Variants in CPNE4 observed in about 807,000 individuals in gnomAD.
CPNE4 encodes copine-4.
In CPNE4, 25 loss-of-function variants were observed where a neutral mutation model predicts 67.9. The observed-to-expected ratio is 0.37, with a 90% confidence interval of 0.27 to 0.51. The LOEUF is 0.51. Ranked by LOEUF, CPNE4 falls within the 20% of genes least tolerant of loss-of-function variation. The pLI is 0.93. For missense variants in CPNE4, 464 were observed against 690.8 expected (o/e 0.67, Z 3.68); for synonymous variants, 242 against 244.9 (o/e 0.99, Z 0.11).
intron 7 of CPNE4, among the ~76,000 whole-genome samples, chr3:131,659,948 G>C (rs1502674): frequency 3.4e-5 from 5 of 146,518 alleles, no homozygotes; most frequent in Non-Finnish European, 7.4e-5. Flanking sequence ...CAGGAAGAAG[G>C]CTTTTTCTAA....
At chr3:131,978,127 T>TATAA (rs1369844452) in intron 1 of CPNE4, among the ~76,000 whole-genome samples, 1 of 82,302 alleles carries the variant, frequency 1.2e-5, no homozygotes, top group African/African-American at 5.5e-5. Context: ...TATAAATATA[T>TATAA]ATATTTATAT....
intron 7 of CPNE4, among the ~76,000 whole-genome samples, chr3:131,650,625 G>A (rs1055321383): frequency 1.3e-5 from 2 of 149,384 alleles, no homozygotes; most frequent in Non-Finnish European, 2.9e-5. Context: ...GGCGCCTGTA[G>A]TCCCGGCTAC....
intron 2 of CPNE4, among the ~76,000 whole-genome samples, chr3:131,879,790 T>C (rs1485529495): frequency 6.6e-6 from 1 of 152,202 alleles, no homozygotes; most frequent in African/African-American, 2.4e-5. Context: ...CTTTGGAGAT[T>C]GGGAATTGGA....
chr3:131,862,108 G>A (rs992586934), intron 2 of CPNE4, among the ~76,000 whole-genome samples: 1 of 151,996 alleles, frequency 6.6e-6, no homozygotes, highest in African/African-American at 2.4e-5. Context: ...CAACATCAAC[G>A]AGATGTAGAG....
At chr3:131,792,030 C>T (rs550327389) in intron 2 of CPNE4, among the ~76,000 whole-genome samples, 4 of 151,966 alleles carry the variant, frequency 2.6e-5, no homozygotes, top group Non-Finnish European at 5.9e-5. Flanking sequence ...AAACTAGGAC[C>T]AGAAAATGCC....
intron 2 of CPNE4, among the ~76,000 whole-genome samples, chr3:131,861,389 G>C (rs4854841): frequency 0.24 from 35,181 of 149,072 alleles, 4,729 homozygotes; most frequent in Middle Eastern, 0.34. Context: ...TCTGAGTTTA[G>C]AATATCTCAT....
At chr3:131,805,394 G>C (rs58223709) in intron 2 of CPNE4, among the ~76,000 whole-genome samples, 1 of 152,132 alleles carries the variant, frequency 6.6e-6, no homozygotes, top group Non-Finnish European at 1.5e-5. Context: ...TTGACACTTC[G>C]AATTCAGGGT....
At chr3:132,014,357 TCTCC>T (rs2073844318) in intron 1 of CPNE4, among the ~76,000 whole-genome samples, 1 of 151,616 alleles carries the variant, frequency 6.6e-6, no homozygotes. Context: ...CATCTCTCTC[TCTCC>T]AAGATCCTGT....
chr3:131,677,635 C>A (rs1415982277), intron 6 of CPNE4, among the ~76,000 whole-genome samples: 1 of 152,148 alleles, frequency 6.6e-6, no homozygotes, highest in African/African-American at 2.4e-5. Context: ...GGTCCAGTTT[C>A]AATCTTCTGC....
At chr3:131,965,103 A>T (rs913320442) in intron 1 of CPNE4, among the ~76,000 whole-genome samples, 6 of 152,232 alleles carry the variant, frequency 3.9e-5, no homozygotes, top group African/African-American at 1.4e-4. Context: ...TTCAACCCAG[A>T]ATTTCATATC....
chr3:131,974,875 G>T (rs1017121679), intron 1 of CPNE4, among the ~76,000 whole-genome samples: 1 of 152,260 alleles, frequency 6.6e-6, no homozygotes, highest in East Asian at 1.9e-4. Flanking sequence ...CGGCGTGGTG[G>T]TGCACACCTG....
intron 2 of CPNE4, among the ~76,000 whole-genome samples, chr3:131,739,101 G>C (rs2082303875): frequency 6.6e-6 from 1 of 152,100 alleles, no homozygotes; most frequent in Non-Finnish European, 1.5e-5. Context: ...ATACTTCGAA[G>C]TCATGGAAAC....
chr3:131,684,443 G>T (rs2080835635), intron 6 of CPNE4, among the ~76,000 whole-genome samples: 1 of 152,122 alleles, frequency 6.6e-6, no homozygotes, highest in African/African-American at 2.4e-5. Flanking sequence ...ATATTTAACA[G>T]CATTTATTTA....
At chr3:132,025,905 G>A (rs1378574043) in intron 1 of CPNE4, among the ~76,000 whole-genome samples, 1 of 152,160 alleles carries the variant, frequency 6.6e-6, no homozygotes. Flanking sequence ...GAGCACATTT[G>A]AGGTGAGGAC....
intron 2 of CPNE4, among the ~76,000 whole-genome samples, chr3:131,878,312 T>C (rs1272180418): frequency 6.6e-6 from 1 of 152,146 alleles, no homozygotes; most frequent in Non-Finnish European, 1.5e-5. Flanking sequence ...AATGACTACA[T>C]GCAATGCCAT....
chr3:131,615,660 G>C (rs1331691340), intron 7 of CPNE4, among the ~76,000 whole-genome samples: 1 of 152,044 alleles, frequency 6.6e-6, no homozygotes, highest in African/African-American at 2.4e-5. Context: ...TTTTTTATAG[G>C]AAGAGAAGTT....
chr3:131,717,921 T>TCTTTCTTTCTTTCTTTC (rs1560173550), intron 3 of CPNE4, among the ~76,000 whole-genome samples: 23 of 146,606 alleles, frequency 1.6e-4, no homozygotes, highest in African/African-American at 5.5e-4. Context: ...TTTCTTTCTT[T>TCTTTCTTTCTTTCTTTC]CTTTCTTTCT....
intron 1 of CPNE4, among the ~76,000 whole-genome samples, chr3:131,990,421 T>C (rs2073150739): frequency 7.4e-6 from 1 of 136,016 alleles, no homozygotes; most frequent in Non-Finnish European, 1.7e-5. Flanking sequence ...TTTATGTGTG[T>C]GTTATGTGTA....
intron 2 of CPNE4, among the ~76,000 whole-genome samples, chr3:131,864,714 A>G (rs551975964): frequency 6.8e-4 from 104 of 151,928 alleles, no homozygotes; most frequent in African/African-American, 2.4e-3. Context: ...CTCCTGCTTG[A>G]TTGCCCTGGC....
Sources: gnomAD v4.1 joint callset for allele counts (sites outside exome capture counted in the v4.1 genomes callset) on GRCh38, gnomAD v4.1.1 for gene constraint, MANE v1.5 for transcripts, NCBI Gene and HGNC (gene_info 2026-07-23, HGNC 2026-07-21) for gene names.